VPS13A: variants seen among roughly 807,000 people sequenced by gnomAD.
The protein encoded by VPS13A is intermembrane lipid transfer protein VPS13A.
VPS13A carries 264 observed loss-of-function variants against 390.9 expected under a neutral mutation model. That is an observed-to-expected ratio of 0.68 (90% CI 0.61 to 0.75). The LOEUF is 0.75. Ranked by LOEUF, VPS13A falls within the 30% of genes least tolerant of loss-of-function variation. VPS13A has a pLI of 0.00. For synonymous variants in VPS13A, 1,231 were observed against 1,227.1 expected, an observed-to-expected ratio of 1.00 and a Z score of -0.07; for missense variants, 3,409 against 3,733.9, an observed-to-expected ratio of 0.91 and a Z score of 2.27.
Position 77,276,081 on chromosome 9 carries a change from A to G in VPS13A, c.2684A>G (p.Tyr895Cys). The G allele has an allele frequency of 6.2e-7, 1 of 1,612,580 alleles. No individual in the cohort carries two copies. Among genetic ancestry groups the G allele is most frequent in the Non-Finnish European group, 8.5e-7 (1 of 1,179,714 alleles). ...CTTCTCCAGGTTTTGATCGAGTTTT[A>G]TCACCTTGTTGGAGATTGTGAACTA... ...FEVPKVLIEF[Y>C]HLVGDCELSV... is the part of the protein sequence containing the mutation. Residue 895 changes from tyrosine to cysteine, a missense_variant, in exon 26 of 72, where the codon TAT becomes TGT. Coordinates refer to ENST00000360280, the MANE Select transcript of VPS13A (RefSeq NM_033305.3).
intron 68 of VPS13A, chr9:77,384,833 G>T: frequency 6.8e-7 from 1 of 1,462,896 alleles, no homozygotes; most frequent in South Asian, 1.4e-5. Context: ...CAAAATAATT[G>T]TATTATTTAA....
chr9:77,288,552 A>T (rs1827473247), intron 31 of VPS13A, among the ~76,000 whole-genome samples: 1 of 152,168 alleles, frequency 6.6e-6, no homozygotes, highest in Admixed American at 6.5e-5. Flanking sequence ...ATGTTATTTA[A>T]CTTCTAAATA....
chr9:77,302,186 G>C (rs1279451619), intron 33 of VPS13A, among the ~76,000 whole-genome samples: 1 of 150,530 alleles, frequency 6.6e-6, no homozygotes, highest in Non-Finnish European at 1.5e-5. Context: ...TCGAACTCCT[G>C]ACCTCAGGTG....
At chr9:77,319,712 A>G (rs1313158048) in intron 42 of VPS13A, 39 bp downstream of exon 42, 5 of 1,045,690 alleles carry the variant, frequency 4.8e-6, no homozygotes, top group South Asian at 1.7e-5. Context: ...ATATATATAT[A>G]TGTATTTTAA....
chr9:77,241,613 T>G (rs1458062975), intron 19 of VPS13A, among the ~76,000 whole-genome samples: 2 of 152,152 alleles, frequency 1.3e-5, no homozygotes, highest in Non-Finnish European at 2.9e-5. Context: ...TTATGCTTGG[T>G]AATTTTTAAT....
chr9:77,225,071 A>G (rs1315811948), intron 13 of VPS13A, among the ~76,000 whole-genome samples: 2 of 152,212 alleles, frequency 1.3e-5, no homozygotes, highest in African/African-American at 4.8e-5. Flanking sequence ...TTCTTAAGAC[A>G]ATGCCATTGC....
intron 67 of VPS13A, among the ~76,000 whole-genome samples, chr9:77,377,203 G>GTTTTTTTTTTTTTTTT (rs61562443): frequency 1.4e-5 from 1 of 69,050 alleles, no homozygotes; most frequent in African/African-American, 5.8e-5. Flanking sequence ...TTTTGATGCT[G>GTTTTTTTTTTTTTTTT]TTTTTTTTTT....
intron 1 of VPS13A, among the ~76,000 whole-genome samples, chr9:77,186,622 G>C (rs1406098533): frequency 6.6e-6 from 1 of 152,022 alleles, no homozygotes; most frequent in African/African-American, 2.4e-5. Flanking sequence ...ATTTTTAGTA[G>C]AAATGGGGTT....
intron 12 of VPS13A, among the ~76,000 whole-genome samples, chr9:77,220,918 G>A (rs888976651): frequency 3.9e-5 from 6 of 152,112 alleles, no homozygotes; most frequent in Middle Eastern, 3.4e-3. Flanking sequence ...AATGTTATTT[G>A]CCAATTAATG....
chr9:77,381,743 T>C (rs767860540), intron 67 of VPS13A, among the ~76,000 whole-genome samples: 7 of 152,114 alleles, frequency 4.6e-5, no homozygotes, highest in Non-Finnish European at 1.0e-4. Context: ...AAAGCAACAA[T>C]TGCTAATATT....
chr9:77,359,039 G>A (rs556866637), intron 57 of VPS13A, among the ~76,000 whole-genome samples: 106 of 152,240 alleles, frequency 7.0e-4, no homozygotes, highest in African/African-American at 2.5e-3. Flanking sequence ...CCACCTAGAG[G>A]TCTGGAGCAA....
intron 68 of VPS13A, among the ~76,000 whole-genome samples, chr9:77,395,462 A>G (rs1834082994): frequency 6.6e-6 from 1 of 152,188 alleles, no homozygotes; most frequent in South Asian, 2.1e-4. Context: ...AACAGATATA[A>G]TAATGATAAA....
At chr9:77,343,779 AT>A (rs1830977423) in intron 50 of VPS13A, among the ~76,000 whole-genome samples, 1 of 152,034 alleles carries the variant, frequency 6.6e-6, no homozygotes, top group Admixed American at 6.5e-5. Context: ...CCTGATTTTG[AT>A]TTTTAGTAAC....
At chr9:77,272,449 T>TC (rs368514073) in intron 23 of VPS13A, among the ~76,000 whole-genome samples, 67 of 152,330 alleles carry the variant, frequency 4.4e-4, no homozygotes, top group African/African-American at 1.5e-3. Context: ...ACACAGATAC[T>TC]CACCAACAGT....
Position 77,392,610 on chromosome 9 carries a change from G to A in VPS13A, c.9189+10523G>A, listed in dbSNP as rs187003071. Among the ~76,000 whole-genome samples, 12 of 151,936 alleles carry A rather than the reference G, an allele frequency of 7.9e-5. 1 individual carries two copies. Among genetic ancestry groups the A allele is most frequent in the African/African-American group, 2.4e-4 (10 of 41,468 alleles). On this transcript the variant is annotated intron_variant, in intron 68 of 71. Coordinates refer to ENST00000360280, the MANE Select transcript of VPS13A (RefSeq NM_033305.3). Reference sequence around the variant, plus strand: ...CAGTTCCAGACCACCAGAATAAAGCGAATATGGCAACAAAGCAAGTCACAC... The same window carrying A: ...CAGTTCCAGACCACCAGAATAAAGCAAATATGGCAACAAAGCAAGTCACAC...
intron 17 of VPS13A, among the ~76,000 whole-genome samples, chr9:77,235,668 G>GT (rs1261513074): frequency 6.6e-6 from 1 of 152,042 alleles, no homozygotes; most frequent in East Asian, 1.9e-4. Context: ...GGAGAGTCCC[G>GT]TAGTGCATAT....
chr9:77,315,360 T>C lies in VPS13A; in HGVS notation c.4520T>C (p.Ile1507Thr), dbSNP rs1317726866. 1.2e-6 allele frequency: 2 copies of C among 1,614,006 alleles called. No homozygotes were observed. Residue 1507 changes from isoleucine to threonine, a missense_variant, in exon 38 of 72, where the codon ATT becomes ACT. By Grantham distance (89) the Ile-to-Thr change is moderately conservative. Transcript: ENST00000360280. Reference sequence around the variant, plus strand: ...GATGCGGTCTTTCAAGAAATGTATATTTGTGCAAGCGTAGAATTTCTGCAG... The same window carrying C: ...GATGCGGTCTTTCAAGAAATGTATACTTGTGCAAGCGTAGAATTTCTGCAG... ...VTDAVFQEMY[I>T]CASVEFLQTV...
At chr9:77,211,093 T>A (rs1825951807) in intron 7 of VPS13A, 1 of 169,558 alleles carries the variant, frequency 5.9e-6, no homozygotes, top group African/African-American at 2.4e-5. Context: ...TGAGGAATTT[T>A]AAAAATATAA....
chr9:77,305,598 C>G (rs989181136), intron 34 of VPS13A: 1 of 204,010 alleles, frequency 4.9e-6, no homozygotes, highest in African/African-American at 2.4e-5. Flanking sequence ...TGCCAACAAT[C>G]TGCAAGTGCC....
Sources: gnomAD v4.1 joint callset for allele counts (sites outside exome capture counted in the v4.1 genomes callset) on GRCh38, gnomAD v4.1.1 for gene constraint, MANE v1.5 for transcripts, NCBI Gene and HGNC (gene_info 2026-07-23, HGNC 2026-07-21) for gene names.